ARHGEF10L: variants seen among roughly 807,000 people sequenced by gnomAD.
ARHGEF10L encodes Rho guanine nucleotide exchange factor 10 like, also known as rho guanine nucleotide exchange factor 10-like protein.
In ARHGEF10L, 69 loss-of-function variants were observed where a neutral mutation model predicts 141.2. That is an observed-to-expected ratio of 0.49 (90% CI 0.40 to 0.60). The LOEUF is 0.60. ARHGEF10L is among the 20% of genes least tolerant of loss of function. The pLI is 0.00. For missense variants in ARHGEF10L, 1,482 were observed against 1,734.3 expected, an observed-to-expected ratio of 0.85 and a Z score of 2.58; for synonymous variants, 711 against 718.5, an observed-to-expected ratio of 0.99 and a Z score of 0.17.
chr1:17,615,966 C>T lies in ARHGEF10L; in HGVS notation c.727-128C>T, dbSNP rs546654284. ...CACTGTCGTCCTTGGCCTTTGCTCA[C>T]GGACCTGGGAGGGAAGGGTCTGGGT... On this transcript the variant is annotated intron_variant, in intron 8 of 28. Coordinates refer to ENST00000361221, the MANE Select transcript of ARHGEF10L (RefSeq NM_018125.4). This position sits in a 1 kb window ranked among gnomAD's most constrained non-coding sequence, Gnocchi z 4.7. 38 of 738,292 alleles carry T rather than the reference C, an allele frequency of 5.1e-5. No individual in the cohort carries two copies. The highest frequency in any genetic ancestry group is 7.1e-5 in the Non-Finnish European group (30 of 421,762). The allele number at this position is 738,292 out of a possible 1,614,324, so 45.7% of individuals were successfully genotyped here.
intron 27 of ARHGEF10L, among the ~76,000 whole-genome samples, chr1:17,693,282 A>G (rs572995028): frequency 6.6e-6 from 1 of 152,336 alleles, no homozygotes; most frequent in South Asian, 2.1e-4. Flanking sequence ...AGAAAGTTCT[A>G]GAGTGTCTGC....
intron 23 of ARHGEF10L, among the ~76,000 whole-genome samples, chr1:17,655,344 T>G (rs1033664263): frequency 6.6e-6 from 1 of 151,480 alleles, no homozygotes. Flanking sequence ...AATATATATT[T>G]AATCCATCCA....
chr1:17,680,563 C>A (rs2064042427), intron 26 of ARHGEF10L, among the ~76,000 whole-genome samples: 1 of 152,132 alleles, frequency 6.6e-6, no homozygotes, highest in Non-Finnish European at 1.5e-5. Flanking sequence ...TTTGTCTCAG[C>A]TCACCTGGGT....
At position 17,581,784 on chromosome 1, in the gene ARHGEF10L, C is replaced by T. The variant is rs185206822; in HGVS notation, c.37+1152C>T. Among the ~76,000 whole-genome samples the T allele has an allele frequency of 5.5e-4, 83 of 151,832 alleles. 1 individual carries two copies. The Middle Eastern group carries it at 0.01, about 19-fold the overall frequency. On this transcript the variant is annotated intron_variant, in intron 2 of 28. Coordinates refer to ENST00000361221, the MANE Select transcript of ARHGEF10L (RefSeq NM_018125.4). ...GCTCACTGACGGGAGTGCTTATCAT[C>T]GTGGGTGTCAGCAGGACAGACAGCG...
chr1:17,622,844 T>G, intron 11 of ARHGEF10L, 152 bp from the exon 12 acceptor site: 1 of 736,040 alleles, frequency 1.4e-6, no homozygotes, highest in Non-Finnish European at 2.2e-6. Flanking sequence ...GTGATGGAGA[T>G]CCTTCCGGAA....
intron 26 of ARHGEF10L, among the ~76,000 whole-genome samples, chr1:17,675,470 C>T (rs1183263050): frequency 6.8e-6 from 1 of 147,032 alleles, no homozygotes; most frequent in African/African-American, 2.5e-5. Context: ...GGTGTGGGTA[C>T]AGGTGTGTGT....
intron 1 of ARHGEF10L, among the ~76,000 whole-genome samples, chr1:17,577,042 GTTTA>G (rs541891424): frequency 6.6e-6 from 1 of 152,126 alleles, no homozygotes. Context: ...AATGGTTATT[GTTTA>G]TTTATTTATT....
chr1:17,543,163 G>C (rs994890566), intron 1 of ARHGEF10L, among the ~76,000 whole-genome samples: 3 of 152,186 alleles, frequency 2.0e-5, no homozygotes, highest in African/African-American at 7.2e-5. Flanking sequence ...AGGAGTGACT[G>C]GTCCTTACAG....
intron 15 of ARHGEF10L, 79 bp from the exon 16 acceptor site, chr1:17,632,242 T>C (rs564015660): frequency 1.9e-6 from 3 of 1,563,440 alleles, no homozygotes; most frequent in South Asian, 1.1e-5. Context: ...TTCTGCACCA[T>C]GGGAGGATTC....
At chr1:17,648,765 C>T in intron 22 of ARHGEF10L, 90 bp downstream of exon 22, 1 of 1,520,734 alleles carries the variant, frequency 6.6e-7, no homozygotes, top group Non-Finnish European at 8.9e-7. Context: ...GGAGCGCCCA[C>T]AGCAGGGAAG....
At chr1:17,524,364 TACACACACACACACACAC>T in the ARHGEF10L span, among the ~76,000 whole-genome samples, 237 of 116,064 alleles carry the variant, frequency 2.0e-3, 3 homozygotes, top group East Asian at 4.1e-3. Context: ...ACCCCGTCTC[TACACACACACACACACAC>T]ACACACACAC....
chr1:17,648,016 G>T (rs2061697135), intron 21 of ARHGEF10L, among the ~76,000 whole-genome samples: 1 of 152,140 alleles, frequency 6.6e-6, no homozygotes. Context: ...TTGTCTTGAA[G>T]GAAGCAGGAG....
At chr1:17,550,957 G>A (rs1460438854) in intron 1 of ARHGEF10L, among the ~76,000 whole-genome samples, 7 of 151,728 alleles carry the variant, frequency 4.6e-5, no homozygotes, top group Non-Finnish European at 8.8e-5. Context: ...TGGTCCTCAC[G>A]ATAAGTCTGT....
intron 1 of ARHGEF10L, among the ~76,000 whole-genome samples, chr1:17,553,825 T>C (rs1245912344): frequency 6.6e-6 from 1 of 152,144 alleles, no homozygotes; most frequent in Admixed American, 6.6e-5. Flanking sequence ...TAGCAGCGTA[T>C]GATGACGACT....
intron 4 of ARHGEF10L, among the ~76,000 whole-genome samples, chr1:17,599,627 TCCCATCAG>T (rs2080450959): frequency 6.6e-6 from 1 of 152,156 alleles, no homozygotes; most frequent in Non-Finnish European, 1.5e-5. Context: ...TTCAGGTGGC[TCCCATCAG>T]CCCATCACCC....
At chr1:17,536,731 C>T (rs564356189), upstream of ARHGEF10L, among the ~76,000 whole-genome samples, 4 of 152,254 alleles carry the variant, frequency 2.6e-5, no homozygotes, top group East Asian at 3.9e-4. Flanking sequence ...CAGAGGGCTG[C>T]GAGTGACGTT....
At chr1:17,520,779 C>G in the ARHGEF10L span, among the ~76,000 whole-genome samples, 1 of 152,166 alleles carries the variant, frequency 6.6e-6, no homozygotes, top group Non-Finnish European at 1.5e-5. Context: ...TCACTTCCTT[C>G]TTAGGGTCAC....
At position 17,656,647 on chromosome 1, in the gene ARHGEF10L, C is replaced by G. The variant is rs755702637; in HGVS notation, c.2799C>G (p.Ser933Arg). ...GLQPVLCLRH[S>R]PFHLLAGLQD... ...AGCCTGTGCTCTGCCTGCGACACAG[C>G]CCCTTCCACCTGCTCGCTGGCCTGC... Residue 933 changes from serine (S) to arginine (R), a missense_variant, in exon 25 of 29, where the codon AGC (serine) becomes AGG (arginine). By Grantham distance (110) the Ser-to-Arg change is moderately radical. Coordinates refer to ENST00000361221, the MANE Select transcript of ARHGEF10L (RefSeq NM_018125.4). The surrounding 1 kb of genome is among the most constrained non-coding windows in gnomAD (Gnocchi z 4.9). 1.2e-6 allele frequency: 2 copies of G among 1,613,696 alleles called. No homozygotes were observed. Among genetic ancestry groups the G allele is most frequent in the African/African-American group, 2.7e-5 (2 of 75,046 alleles).
intron 26 of ARHGEF10L, among the ~76,000 whole-genome samples, chr1:17,674,381 C>T (rs2063510746): frequency 6.6e-6 from 1 of 152,318 alleles, no homozygotes; most frequent in Admixed American, 6.5e-5. Flanking sequence ...TGGGTGGTGA[C>T]ACCAGCCCAG....
Sources: allele counts gnomAD v4.1 joint callset (sites outside exome capture counted in the v4.1 genomes callset), GRCh38; gene constraint gnomAD v4.1.1; non-coding constraint Gnocchi (gnomAD v3.1); transcripts MANE v1.5; gene names NCBI Gene and HGNC (gene_info 2026-07-23, HGNC 2026-07-21).